FER: variants seen among roughly 807,000 people sequenced by gnomAD.
FER encodes FER tyrosine kinase.
Under a neutral mutation model 111.0 loss-of-function variants are expected in FER, and 63 were observed. That is an observed-to-expected ratio of 0.57 (90% CI 0.46 to 0.70). FER has a LOEUF of 0.70. Among genes scored for constraint, FER ranks in the 30% least tolerant of loss-of-function variants. FER has a pLI of 0.00. For missense variants in FER, 914 were observed against 954.0 expected (o/e 0.96, Z 0.55); for synonymous variants, 327 against 313.9 (o/e 1.04, Z -0.44).
intron 10 of FER, among the ~76,000 whole-genome samples, chr5:108,902,081 T>C (rs1349608947): frequency 6.6e-6 from 1 of 152,190 alleles, no homozygotes; most frequent in Non-Finnish European, 1.5e-5. Flanking sequence ...AGGCTTAGGA[T>C]AACATTGGAA....
intron 13 of FER, among the ~76,000 whole-genome samples, chr5:108,998,348 T>G (rs1176562326): frequency 6.6e-6 from 1 of 151,792 alleles, no homozygotes; most frequent in Non-Finnish European, 1.5e-5. Flanking sequence ...TGGGCCAGAG[T>G]GCAGTGTTCC....
chr5:108,880,347 A>G (rs1330254822), intron 8 of FER, among the ~76,000 whole-genome samples: 1 of 152,174 alleles, frequency 6.6e-6, no homozygotes, highest in Non-Finnish European at 1.5e-5. Flanking sequence ...GGCAGTGATA[A>G]GAAGCTGGTT....
chr5:109,019,887 A>G (rs923381158), intron 13 of FER, among the ~76,000 whole-genome samples: 2 of 151,974 alleles, frequency 1.3e-5, no homozygotes, highest in Admixed American at 6.6e-5. Flanking sequence ...GATGGTAACA[A>G]TATAAACATT....
intron 17 of FER, among the ~76,000 whole-genome samples, chr5:109,168,456 G>A (rs1756776160): frequency 6.6e-6 from 1 of 152,052 alleles, no homozygotes; most frequent in African/African-American, 2.4e-5. Context: ...TTGGTCACCA[G>A]TGGTTTAATC....
At chr5:109,055,030 G>A (rs1247478732) in intron 16 of FER, among the ~76,000 whole-genome samples, 3 of 152,256 alleles carry the variant, frequency 2.0e-5, no homozygotes, top group African/African-American at 7.2e-5. Flanking sequence ...AACATATACA[G>A]TCAACTAATT....
At chr5:109,065,385 A>G (rs1774957596) in intron 16 of FER, among the ~76,000 whole-genome samples, 1 of 152,204 alleles carries the variant, frequency 6.6e-6, no homozygotes, top group Admixed American at 6.5e-5. Flanking sequence ...TAGAAACCAA[A>G]TAAAAGCCAT....
intron 16 of FER, among the ~76,000 whole-genome samples, chr5:109,071,046 C>T (rs1418070302): frequency 2.6e-5 from 4 of 151,906 alleles, no homozygotes; most frequent in South Asian, 2.1e-4. Flanking sequence ...GTTCCAAATT[C>T]GTGTATGTCT....
intron 10 of FER, among the ~76,000 whole-genome samples, chr5:108,912,831 G>A (rs989125406): frequency 6.6e-6 from 1 of 152,226 alleles, no homozygotes; most frequent in African/African-American, 2.4e-5. Flanking sequence ...AACAAGTGTA[G>A]TTGGAGTAAG....
chr5:108,986,799 G>T (rs1391205321), intron 13 of FER, among the ~76,000 whole-genome samples: 1 of 152,074 alleles, frequency 6.6e-6, no homozygotes, highest in Non-Finnish European at 1.5e-5. Flanking sequence ...TGTTCCATTG[G>T]TCTATGCCTA....
At chr5:109,105,445 C>T (rs1748793056) in intron 17 of FER, among the ~76,000 whole-genome samples, 1 of 151,814 alleles carries the variant, frequency 6.6e-6, no homozygotes, top group Non-Finnish European at 1.5e-5. Flanking sequence ...GTATTTTGTC[C>T]TTGGTGCACC....
intron 13 of FER, among the ~76,000 whole-genome samples, chr5:109,010,333 A>G (rs1766088130): frequency 6.6e-6 from 1 of 151,788 alleles, no homozygotes; most frequent in African/African-American, 2.4e-5. Context: ...AATTTTTTGT[A>G]TTTTTAGTAG....
chr5:109,012,343 G>T (rs1766388847), intron 13 of FER, among the ~76,000 whole-genome samples: 1 of 152,148 alleles, frequency 6.6e-6, no homozygotes, highest in Non-Finnish European at 1.5e-5. Flanking sequence ...TGCTTATTTA[G>T]TATGTTTTTC....
intron 3 of FER, among the ~76,000 whole-genome samples, chr5:108,831,597 C>A (rs1341931837): frequency 4.6e-5 from 7 of 152,000 alleles, no homozygotes; most frequent in Admixed American, 4.6e-4. Flanking sequence ...AAAATAGTCC[C>A]CTCCCTAAAA....
At chr5:108,867,269 G>C (rs1764160303) in intron 5 of FER, among the ~76,000 whole-genome samples, 2 of 152,096 alleles carry the variant, frequency 1.3e-5, no homozygotes, top group Non-Finnish European at 2.9e-5. Context: ...GAAGGTGAGA[G>C]GAAGGAACTA....
intron 13 of FER, among the ~76,000 whole-genome samples, chr5:109,036,264 G>T (rs1280614173): frequency 6.6e-6 from 1 of 151,856 alleles, no homozygotes; most frequent in Non-Finnish European, 1.5e-5. Context: ...TTTCTTCCAG[G>T]ATCTTTATAG....
At chr5:109,125,427 G>T (rs1751587327) in intron 17 of FER, among the ~76,000 whole-genome samples, 1 of 152,092 alleles carries the variant, frequency 6.6e-6, no homozygotes, top group South Asian at 2.1e-4. Context: ...TTTCTTAAAA[G>T]TGTCTTATAT....
chr5:109,032,375 A>G (rs1309576225), intron 13 of FER, among the ~76,000 whole-genome samples: 2 of 151,998 alleles, frequency 1.3e-5, no homozygotes, highest in African/African-American at 2.4e-5. Flanking sequence ...CCTGTGCCTC[A>G]TTTTTTCACT....
At chr5:109,173,830 G>A (rs999949590) in intron 17 of FER, among the ~76,000 whole-genome samples, 15 of 150,218 alleles carry the variant, frequency 1.0e-4, no homozygotes, top group South Asian at 4.2e-4. Flanking sequence ...TATTCTGAGC[G>A]TCCTGACAGG....
At chr5:108,852,901 A>G (rs1762664505) in intron 5 of FER, among the ~76,000 whole-genome samples, 1 of 152,168 alleles carries the variant, frequency 6.6e-6, no homozygotes, top group Non-Finnish European at 1.5e-5. Context: ...ACTGAAATAT[A>G]TGGGATGGAA....
Sources: allele counts gnomAD v4.1 joint callset (sites outside exome capture counted in the v4.1 genomes callset), GRCh38; gene constraint gnomAD v4.1.1; transcripts MANE v1.5; gene names NCBI Gene and HGNC (gene_info 2026-07-23, HGNC 2026-07-21).